HECW1: variants seen among roughly 807,000 people sequenced by gnomAD.
HECW1 encodes the protein HECT, C2 and WW domain containing E3 ubiquitin protein ligase 1.
Under a neutral mutation model 182.3 loss-of-function variants are expected in HECW1, and 61 were observed. The ratio of observed to expected loss-of-function variants is 0.33; its 90% CI spans 0.27 to 0.41. The LOEUF is 0.41. Ranked by LOEUF, HECW1 falls within the 10% of genes least tolerant of loss-of-function variation. The pLI is 1.00. For missense variants in HECW1, 1,739 were observed against 2,108.9 expected, an observed-to-expected ratio of 0.82 and a Z score of 3.44; for synonymous variants, 859 against 832.6, an observed-to-expected ratio of 1.03 and a Z score of -0.55.
At chr7:43,179,517 A>G (rs112724152) in intron 2 of HECW1, among the ~76,000 whole-genome samples, 5 of 152,114 alleles carry the variant, frequency 3.3e-5, no homozygotes, top group African/African-American at 1.2e-4. Context: ...TAAAAGAAAT[A>G]CCATTGGTTA....
intron 5 of HECW1, among the ~76,000 whole-genome samples, chr7:43,344,286 G>T (rs1171208013): frequency 4.6e-5 from 7 of 151,638 alleles, no homozygotes; most frequent in Non-Finnish European, 8.8e-5. Context: ...GCCTATTTTG[G>T]CTTTTCTTGC....
intron 2 of HECW1, among the ~76,000 whole-genome samples, chr7:43,150,324 T>A (rs2057745): frequency 0.45 from 68,391 of 152,016 alleles, 15,525 homozygotes; most frequent in African/African-American, 0.46. Flanking sequence ...TTGATTTCAG[T>A]TAGATTTGCT....
chr7:43,244,999 G>A (rs1799244497), intron 3 of HECW1, among the ~76,000 whole-genome samples: 1 of 152,236 alleles, frequency 6.6e-6, no homozygotes, highest in Admixed American at 6.5e-5. Context: ...GGGCCCTGCT[G>A]CCTACTCATG....
chr7:43,154,827 A>G (rs1789707207), intron 2 of HECW1, among the ~76,000 whole-genome samples: 1 of 152,236 alleles, frequency 6.6e-6, no homozygotes. Context: ...TGAAATAGGT[A>G]TAATTTTCTG....
chr7:43,225,541 A>G (rs565831653), intron 2 of HECW1, among the ~76,000 whole-genome samples: 1 of 152,318 alleles, frequency 6.6e-6, no homozygotes, highest in South Asian at 2.1e-4. Context: ...AAATTTTGGA[A>G]TATACATCAA....
intron 5 of HECW1, among the ~76,000 whole-genome samples, chr7:43,328,686 G>A (rs1330380864): frequency 6.6e-6 from 1 of 152,196 alleles, no homozygotes; most frequent in Admixed American, 6.5e-5. Context: ...GCATGACTGA[G>A]CGTTATTACA....
intron 2 of HECW1, among the ~76,000 whole-genome samples, chr7:43,198,626 C>T (rs1794727411): frequency 6.8e-6 from 1 of 147,956 alleles, no homozygotes; most frequent in Non-Finnish European, 1.5e-5. Flanking sequence ...CATTCACACA[C>T]CATAGTCACA....
At position 43,185,520 on chromosome 7, in the gene HECW1, T is replaced by G. The variant is rs553708077; in HGVS notation, c.-31-58355T>G. ...GATCTGATGCTATCTCCAGGTAGAGTGTCAGAATTGAATCGGAGGACACCC... is the reference window on the plus strand; with the variant it reads ...GATCTGATGCTATCTCCAGGTAGAGGGTCAGAATTGAATCGGAGGACACCC... On this transcript the variant is annotated intron_variant, in intron 2 of 29. Transcript: ENST00000395891. Among the ~76,000 whole-genome samples, 242 of 152,122 alleles carry G rather than the reference T, an allele frequency of 1.6e-3. 1 individual carries two copies. The highest frequency in any genetic ancestry group is 6.5e-3 in the South Asian group (31 of 4,806).
At position 43,164,819 on chromosome 7, in the gene HECW1, C is replaced by T. The variant is rs145057927; in HGVS notation, c.-32+50428C>T. 7.9e-5 allele frequency among the ~76,000 whole-genome samples: 12 copies of T among 152,308 alleles called. 1 individual carries two copies. The highest frequency in any genetic ancestry group is 1.5e-4 in the Non-Finnish European group (10 of 68,026). ...TCTTCCAGAATTAGAAAGGAGATGC[C>T]GAGCATGCAGCCGCGCTTCCATGGT... On this transcript the variant is annotated intron_variant, in intron 2 of 29. Coordinates refer to ENST00000395891, the MANE Select transcript of HECW1 (RefSeq NM_015052.5).
chr7:43,287,938 T>A (rs937539825), intron 3 of HECW1, among the ~76,000 whole-genome samples: 1 of 152,174 alleles, frequency 6.6e-6, no homozygotes, highest in Non-Finnish European at 1.5e-5. Context: ...TCTACGGAGA[T>A]GGGGAAGAGC....
chr7:43,303,586 A>G (rs932176476), intron 3 of HECW1, among the ~76,000 whole-genome samples: 2 of 152,118 alleles, frequency 1.3e-5, no homozygotes, highest in African/African-American at 4.8e-5. Context: ...TTCAGCCAGC[A>G]ATGAGTGGGA....
chr7:43,332,523 C>T (rs1811625766), intron 5 of HECW1, among the ~76,000 whole-genome samples: 1 of 152,206 alleles, frequency 6.6e-6, no homozygotes, highest in Admixed American at 6.5e-5. Context: ...ACTGACCTAA[C>T]TAAGATTCTG....
chr7:43,298,872 T>G (rs1001744582), intron 3 of HECW1, among the ~76,000 whole-genome samples: 3 of 152,208 alleles, frequency 2.0e-5, no homozygotes, highest in Non-Finnish European at 4.4e-5. Context: ...TCTTATTCTC[T>G]GGAGCGAGAC....
chr7:43,247,418 C>T (rs749754465), intron 3 of HECW1, among the ~76,000 whole-genome samples: 12 of 152,044 alleles, frequency 7.9e-5, no homozygotes, highest in Non-Finnish European at 1.3e-4. Flanking sequence ...AGGGGGATAG[C>T]GGGAGGATAG....
intron 2 of HECW1, among the ~76,000 whole-genome samples, chr7:43,164,790 A>G (rs1448837124): frequency 6.6e-6 from 1 of 152,246 alleles, no homozygotes; most frequent in Non-Finnish European, 1.5e-5. Context: ...AGGCAAGTGC[A>G]GACTCTTCCA....
intron 2 of HECW1, among the ~76,000 whole-genome samples, chr7:43,143,429 A>G (rs1788379940): frequency 1.3e-5 from 2 of 152,060 alleles, no homozygotes; most frequent in South Asian, 4.2e-4. Context: ...GGCTACAGGG[A>G]TGCACCACCA....
chr7:43,160,178 A>G (rs74738367), intron 2 of HECW1, among the ~76,000 whole-genome samples: 4,453 of 152,178 alleles, frequency 0.029, 187 homozygotes, highest in African/African-American at 0.1. Context: ...CCATTTTTCT[A>G]TGGGTCTGTT....
intron 6 of HECW1, among the ~76,000 whole-genome samples, chr7:43,365,939 A>T (rs978147627): frequency 1.2e-4 from 18 of 152,164 alleles, no homozygotes; most frequent in African/African-American, 4.3e-4. Flanking sequence ...ATAAAAAAAT[A>T]AAAAATAAAA....
rs761201866 is a variant in HECW1, at chr7:43,561,841, A to C, written c.4736A>C (p.Asp1579Ala). Residue 1579 changes from aspartate to alanine, a missense_variant, in exon 30 of 30, where the codon GAT becomes GCT. Asp to Ala is a moderately radical substitution (Grantham distance 126). This residue lies in a region of HECW1 where 420 missense variants were observed against 595.7 expected (regional missense o/e 0.71). Coordinates refer to ENST00000395891, the MANE Select transcript of HECW1 (RefSeq NM_015052.5). ...GCACACACATGCTTCAACCGACTGGATCTTCCACCGTATCCCTCGTACTCC... is the reference window on the plus strand; with the variant it reads ...GCACACACATGCTTCAACCGACTGGCTCTTCCACCGTATCCCTCGTACTCC... ...PRAHTCFNRL[D>A]LPPYPSYSML... The C allele has an allele frequency of 1.2e-6, 2 of 1,613,770 alleles. No individual in the cohort carries two copies. Among genetic ancestry groups the C allele is most frequent in the East Asian group, 2.2e-5 (1 of 44,884 alleles).
Sources: allele counts gnomAD v4.1 joint callset (sites outside exome capture counted in the v4.1 genomes callset), GRCh38; gene constraint gnomAD v4.1.1; regional missense constraint gnomAD v4.1.1; transcripts MANE v1.5; gene names NCBI Gene and HGNC (gene_info 2026-07-23, HGNC 2026-07-21).